Variants in ERC2 observed in about 807,000 individuals in gnomAD.
ERC2 encodes the protein ELKS/RAB6-interacting/CAST family member 2.
Under a neutral mutation model 114.8 loss-of-function variants are expected in ERC2, and 42 were observed. The ratio of observed to expected loss-of-function variants is 0.37; its 90% CI spans 0.29 to 0.47. The LOEUF is 0.47. Among genes scored for constraint, ERC2 ranks in the 20% least tolerant of loss-of-function variants. The probability of loss-of-function intolerance (pLI) is 0.99; values close to 1 mark genes in which losing one functional copy is unlikely to be tolerated. For missense variants in ERC2, 939 were observed against 1,150.7 expected (o/e 0.82, Z 2.66); for synonymous variants, 454 against 425.5 (o/e 1.07, Z -0.82).
intron 2 of ERC2, among the ~76,000 whole-genome samples, chr3:56,307,834 A>G (rs1267203437): frequency 7.2e-6 from 1 of 139,428 alleles, no homozygotes; most frequent in African/African-American, 2.7e-5. Flanking sequence ...ACTTGCACAC[A>G]CACACACACA....
chr3:56,155,967 A>G (rs1268933343), intron 4 of ERC2, among the ~76,000 whole-genome samples: 1 of 152,198 alleles, frequency 6.6e-6, no homozygotes, highest in East Asian at 1.9e-4. Context: ...ATCAGTCTTC[A>G]GAATCAAGCT....
At chr3:56,059,757 C>T (rs745792390) in intron 7 of ERC2, among the ~76,000 whole-genome samples, 5 of 152,158 alleles carry the variant, frequency 3.3e-5, no homozygotes, top group African/African-American at 4.8e-5. Flanking sequence ...TCAGATCATA[C>T]CCTTTCAAGT....
intron 6 of ERC2, among the ~76,000 whole-genome samples, chr3:56,120,834 T>C (rs1290353947): frequency 6.6e-6 from 1 of 152,206 alleles, no homozygotes; most frequent in African/African-American, 2.4e-5. Flanking sequence ...GTCCACCATT[T>C]TGTTTGCCAG....
At chr3:55,910,164 C>CA (rs2064714268) in intron 13 of ERC2, among the ~76,000 whole-genome samples, 2 of 152,028 alleles carry the variant, frequency 1.3e-5, no homozygotes, top group Admixed American at 1.3e-4. Flanking sequence ...CAGATGGGGG[C>CA]AGATCACTTG....
chr3:56,129,167 C>T (rs1044142683), intron 6 of ERC2, among the ~76,000 whole-genome samples: 1 of 152,148 alleles, frequency 6.6e-6, no homozygotes, highest in African/African-American at 2.4e-5. Context: ...GAATAAATAT[C>T]TGTATTTAAT....
At chr3:56,244,501 C>T (rs1018547596) in intron 3 of ERC2, among the ~76,000 whole-genome samples, 1 of 151,918 alleles carries the variant, frequency 6.6e-6, no homozygotes, top group Admixed American at 6.6e-5. Context: ...CGTGTTACTG[C>T]CCCTGAAGAC....
At chr3:55,905,743 C>A (rs951407091) in intron 13 of ERC2, among the ~76,000 whole-genome samples, 2 of 152,136 alleles carry the variant, frequency 1.3e-5, no homozygotes, top group African/African-American at 4.8e-5. Flanking sequence ...CCCATGCAAC[C>A]CTTGCCTTGT....
At chr3:55,798,413 A>G (rs2070690791) in intron 14 of ERC2, among the ~76,000 whole-genome samples, 1 of 152,226 alleles carries the variant, frequency 6.6e-6, no homozygotes. Flanking sequence ...CCTGGCTAAC[A>G]TGGTGAAACC....
intron 17 of ERC2, among the ~76,000 whole-genome samples, chr3:55,594,542 C>T (rs1247563629): frequency 2.0e-5 from 3 of 152,002 alleles, no homozygotes; most frequent in Non-Finnish European, 2.9e-5. Flanking sequence ...AGTATAGTGG[C>T]GCGATTTTGA....
At chr3:55,576,909 C>T (rs1020503008) in intron 17 of ERC2, among the ~76,000 whole-genome samples, 2 of 152,248 alleles carry the variant, frequency 1.3e-5, no homozygotes, top group African/African-American at 4.8e-5. Flanking sequence ...CTTTCCTGAG[C>T]CCTGTTCAGA....
chr3:55,667,788 G>A (rs1279128289), intron 17 of ERC2, among the ~76,000 whole-genome samples: 1 of 152,218 alleles, frequency 6.6e-6, no homozygotes, highest in Non-Finnish European at 1.5e-5. Flanking sequence ...GAGAGTTTAC[G>A]AAAGTTGCCT....
At chr3:55,826,390 C>T (rs916240129) in intron 14 of ERC2, among the ~76,000 whole-genome samples, 16 of 152,184 alleles carry the variant, frequency 1.1e-4, no homozygotes, top group Non-Finnish European at 1.9e-4. Context: ...AGGAGTCTAC[C>T]AGAATCTGGA....
At chr3:56,114,848 C>CA (rs2079141303) in intron 6 of ERC2, among the ~76,000 whole-genome samples, 1 of 152,106 alleles carries the variant, frequency 6.6e-6, no homozygotes, top group African/African-American at 2.4e-5. Context: ...AATTTTGAAA[C>CA]AAAAATGGTA....
intron 5 of ERC2, among the ~76,000 whole-genome samples, chr3:56,148,019 G>A (rs2081233077): frequency 6.6e-6 from 1 of 152,096 alleles, no homozygotes; most frequent in Non-Finnish European, 1.5e-5. Flanking sequence ...AAGATTCCTA[G>A]CAATAGATAA....
chr3:56,271,179 C>T (rs1232905790), intron 3 of ERC2, among the ~76,000 whole-genome samples: 1 of 152,196 alleles, frequency 6.6e-6, no homozygotes, highest in African/African-American at 2.4e-5. Flanking sequence ...TCAGGGCATG[C>T]ACCCTAGTCC....
chr3:55,599,416 T>C (rs956332093), intron 17 of ERC2, among the ~76,000 whole-genome samples: 26 of 152,260 alleles, frequency 1.7e-4, no homozygotes, highest in African/African-American at 5.3e-4. Context: ...AATTAAGTAA[T>C]GTTTTTAAAT....
At chr3:56,010,842 T>C (rs912423401) in intron 8 of ERC2, among the ~76,000 whole-genome samples, 1 of 152,226 alleles carries the variant, frequency 6.6e-6, no homozygotes, top group South Asian at 2.1e-4. Flanking sequence ...GTTCAAGTTC[T>C]GTGGTTGCTC....
intron 3 of ERC2, among the ~76,000 whole-genome samples, chr3:56,281,570 C>G (rs1447667899): frequency 6.6e-6 from 1 of 150,438 alleles, no homozygotes; most frequent in Non-Finnish European, 1.5e-5. Context: ...AAGATGAGTA[C>G]AATGTGATTC....
chr3:56,350,165 C>G (rs1179936909), intron 2 of ERC2, among the ~76,000 whole-genome samples: 1 of 152,208 alleles, frequency 6.6e-6, no homozygotes, highest in Non-Finnish European at 1.5e-5. Context: ...GATATAATTT[C>G]ATATTCCTTA....
Sources: gnomAD v4.1 joint callset for allele counts (sites outside exome capture counted in the v4.1 genomes callset) on GRCh38, gnomAD v4.1.1 for gene constraint, MANE v1.5 for transcripts, NCBI Gene and HGNC (gene_info 2026-07-23, HGNC 2026-07-21) for gene names.